SEC62: variants seen among roughly 807,000 people sequenced by gnomAD.
The protein encoded by SEC62 is SEC62 preprotein translocation factor.
SEC62 carries 10 observed loss-of-function variants against 47.5 expected under a neutral mutation model. The observed-to-expected ratio is 0.21, with a 90% confidence interval of 0.13 to 0.36. The LOEUF is 0.36. Ranked by LOEUF, SEC62 falls within the 10% of genes least tolerant of loss-of-function variation. SEC62 has a pLI of 1.00. For missense variants in SEC62, 327 were observed against 464.1 expected, an observed-to-expected ratio of 0.70 and a Z score of 2.71; for synonymous variants, 136 against 150.5, an observed-to-expected ratio of 0.90 and a Z score of 0.71.
In SEC62 at chr3:169,994,939, G is replaced by A. The variant is rs1279516546; in HGVS notation, c.*1876G>A. On this transcript the variant is annotated 3_prime_UTR_variant, in exon 8 of 8. Transcript: ENST00000337002. ...GTGTGTGGATTCTTACAGAATGTTAGTACAAATTTTTATAAATATTTGGTG... is the reference window on the plus strand; with the variant it reads ...GTGTGTGGATTCTTACAGAATGTTAATACAAATTTTTATAAATATTTGGTG... The A allele has an allele frequency of 2.0e-5, 3 of 152,090 alleles. No homozygotes were observed. The highest frequency in any genetic ancestry group is 4.8e-5 in the African/African-American group (2 of 41,432). The allele number at this position is 152,090 out of a possible 1,614,324, so 9.4% of individuals were successfully genotyped here.
In SEC62 at chr3:169,988,362, A is replaced by T; in HGVS notation, c.730+3A>T. 6.2e-7 allele frequency: 1 copy of T among 1,612,962 alleles called. No homozygotes were observed. The highest frequency in any genetic ancestry group is 8.5e-7 in the Non-Finnish European group (1 of 1,179,248). On this transcript the variant is annotated splice_donor_region_variant and intron_variant, in intron 7 of 7. Coordinates refer to ENST00000337002, the MANE Select transcript of SEC62 (RefSeq NM_003262.4). ...CAGTATTCTTCTCCTTGCTGTTGGTAAGTATTGTTATTATAAAATTGACCT... is the reference window on the plus strand; with the variant it reads ...CAGTATTCTTCTCCTTGCTGTTGGTTAGTATTGTTATTATAAAATTGACCT...
At position 169,992,507 on chromosome 3, in the gene SEC62, A is replaced by T. The variant is rs1428477598; in HGVS notation, c.731-87A>T. On this transcript the variant is annotated intron_variant, in intron 7 of 7. Coordinates refer to ENST00000337002, the MANE Select transcript of SEC62 (RefSeq NM_003262.4). This position sits in a 1 kb window ranked among gnomAD's most constrained non-coding sequence, Gnocchi z 4.0. ...GGTGTATGAAATGTGCAGATAATAA[A>T]ACTGTTTTCCCAGCTTTTTATTAAC... The T allele has an allele frequency of 2.2e-6, 2 of 889,618 alleles. No homozygotes were observed. The highest frequency in any genetic ancestry group is 3.5e-6 in the Non-Finnish European group (2 of 570,050). The allele number at this position is 889,618 out of a possible 1,614,324, so 55.1% of individuals were successfully genotyped here.
At chr3:169,982,364 G>A (rs1433249468) in intron 3 of SEC62, among the ~76,000 whole-genome samples, 1 of 152,082 alleles carries the variant, frequency 6.6e-6, no homozygotes, top group Non-Finnish European at 1.5e-5. Context: ...TCTTGCATTT[G>A]AGACTTAACA....
chr3:169,996,854 T>C lies in SEC62; in HGVS notation c.*3791T>C, dbSNP rs1454190332. The C allele has an allele frequency of 1.3e-5, 2 of 152,338 alleles. No homozygotes were observed. The highest frequency in any genetic ancestry group is 3.9e-4 in the East Asian group (2 of 5,186). 9.4% of individuals were successfully genotyped at this position (152,338 alleles called of 1,614,324 possible). On this transcript the variant is annotated 3_prime_UTR_variant, in exon 8 of 8. Coordinates refer to ENST00000337002, the MANE Select transcript of SEC62 (RefSeq NM_003262.4). ...TTCCTCTTTGGGTAGCCTATACCTA[T>C]ACTTATCTCCTCATAATATCTTCAT...
chr3:169,976,295 G>C (rs545388958), intron 2 of SEC62, among the ~76,000 whole-genome samples: 6 of 152,200 alleles, frequency 3.9e-5, no homozygotes, highest in African/African-American at 1.4e-4. Context: ...TTGAGCCCAG[G>C]AGTTAGAGGC....
intron 1 of SEC62, among the ~76,000 whole-genome samples, chr3:169,973,520 G>T (rs138124237): frequency 1.3e-5 from 2 of 151,934 alleles, no homozygotes; most frequent in African/African-American, 2.4e-5. Flanking sequence ...AAAATTAGCC[G>T]GACATGGTGG....
At chr3:169,986,983 TG>T (rs1281819191) in intron 6 of SEC62, among the ~76,000 whole-genome samples, 2 of 151,810 alleles carry the variant, frequency 1.3e-5, no homozygotes, top group Admixed American at 6.6e-5. Flanking sequence ...CCCAAAGTGC[TG>T]GGGGTTTGAT....
intron 6 of SEC62, among the ~76,000 whole-genome samples, chr3:169,986,924 G>A (rs554689382): frequency 1.3e-4 from 19 of 151,940 alleles, no homozygotes; most frequent in African/African-American, 4.1e-4. Flanking sequence ...ATGGGGTTTC[G>A]CCATGTTGCC....
chr3:169,977,057 GTTTA>G lies in SEC62; in HGVS notation c.251+10_251+13del, dbSNP rs760889980. 6.4e-7 allele frequency: 1 copy of G among 1,574,706 alleles called. No homozygotes were observed. Among genetic ancestry groups the G allele is most frequent in the South Asian group, 1.2e-5 (1 of 86,548 alleles). On this transcript the variant is annotated splice_region_variant and intron_variant, in intron 3 of 7. Transcript: ENST00000337002. ...GTGGTTGACTACTGCAACAGGTACT[GTTTA>G]TTTCTTAGTGAAGAATAACATAATA...
At position 169,976,929 on chromosome 3, in the gene SEC62, A is replaced by G; in HGVS notation, c.146-17A>G. On this transcript the variant is annotated splice_polypyrimidine_tract_variant and intron_variant, in intron 2 of 7. Transcript: ENST00000337002. ...CCCCATGTATGCTAAATTTAAAATA[A>G]TGAATTTCTTCTTTAGCTTCAAAAG... is the stretch of plus-strand genomic sequence containing the variant. 1 of 1,557,442 alleles carries G rather than the reference A, an allele frequency of 6.4e-7. No homozygotes were observed. Among genetic ancestry groups the G allele is most frequent in the Non-Finnish European group, 8.8e-7 (1 of 1,137,338 alleles).
intron 7 of SEC62, 137 bp downstream of exon 7, chr3:169,988,496 A>G: frequency 4.2e-6 from 4 of 954,620 alleles, no homozygotes; most frequent in Non-Finnish European, 6.1e-6. Flanking sequence ...TTCTGAGTCA[A>G]ATCTCAAAAC....
chr3:169,983,018 C>G, intron 4 of SEC62, 107 bp downstream of exon 4: 1 of 1,484,440 alleles, frequency 6.7e-7, no homozygotes, highest in Non-Finnish European at 9.0e-7. Context: ...CCTGAGATAA[C>G]TATATTAGAG....
chr3:169,967,476 G>C (rs1714563189), intron 1 of SEC62, among the ~76,000 whole-genome samples: 1 of 152,106 alleles, frequency 6.6e-6, no homozygotes. Flanking sequence ...GAAGCTTGCC[G>C]GCTTTTTTCC....
At chr3:169,978,486 G>A (rs1714895449) in intron 3 of SEC62, 1 of 152,274 alleles carries the variant, frequency 6.6e-6, no homozygotes, top group East Asian at 1.9e-4. Context: ...GACACTTTGG[G>A]AGACCAAGGC....
intron 7 of SEC62, among the ~76,000 whole-genome samples, chr3:169,989,876 A>G (rs2108288198): frequency 6.6e-6 from 1 of 150,896 alleles, no homozygotes; most frequent in South Asian, 2.1e-4. Context: ...AATTCCAAAT[A>G]TACTTTCAAA....
chr3:169,988,424 G>A, intron 7 of SEC62, 65 bp downstream of exon 7: 2 of 1,552,844 alleles, frequency 1.3e-6, no homozygotes, highest in Non-Finnish European at 1.8e-6. Flanking sequence ...ACTGTAATTT[G>A]GAGCTTCAGT....
At chr3:169,975,395 C>A in intron 1 of SEC62, 1 of 387,010 alleles carries the variant, frequency 2.6e-6, no homozygotes, top group Non-Finnish European at 4.8e-6. Flanking sequence ...AGCAGACAGG[C>A]TTTGCCTCTA....
rs1559968886 is a variant in SEC62 at position 169,993,854 on chromosome 3, A to G, written c.*791A>G. 6.6e-6 allele frequency: 1 copy of G among 152,654 alleles called. No homozygotes were observed. The highest frequency in any genetic ancestry group is 1.5e-5 in the Non-Finnish European group (1 of 68,044). The allele number at this position is 152,654 out of a possible 1,614,324, so 9.5% of individuals were successfully genotyped here. ...TTACTTATTATTTAGATATTTCTCA[A>G]CACTTAAATTCATAAAATTAAGACC... On this transcript the variant is annotated 3_prime_UTR_variant, in exon 8 of 8. Transcript: ENST00000337002.
intron 3 of SEC62, among the ~76,000 whole-genome samples, chr3:169,977,822 A>G (rs1714873696): frequency 6.6e-6 from 1 of 152,134 alleles, no homozygotes; most frequent in South Asian, 2.1e-4. Context: ...TATGTGTACT[A>G]ATATTTTATT....
Sources: gnomAD v4.1 joint callset for allele counts (sites outside exome capture counted in the v4.1 genomes callset) on GRCh38, gnomAD v4.1.1 for gene constraint, Gnocchi (gnomAD v3.1) non-coding constraint, MANE v1.5 for transcripts, NCBI Gene and HGNC (gene_info 2026-07-23, HGNC 2026-07-21) for gene names.